FAM107B: variants seen among roughly 807,000 people sequenced by gnomAD.
FAM107B encodes the protein family with sequence similarity 107 member B.
A neutral mutation model predicts 31.5 loss-of-function variants in FAM107B; 21 were observed. The observed-to-expected ratio is 0.67, with a 90% CI of 0.47 to 0.96. The LOEUF (loss-of-function observed/expected upper bound fraction) is 0.96, where lower values mean the gene tolerates loss of function less well. Among genes scored for constraint, FAM107B ranks in the 40% least tolerant of loss-of-function variants. The pLI, the probability that FAM107B is intolerant of heterozygous loss-of-function variation, is 0.00. For missense variants in FAM107B, 452 were observed against 377.1 expected (o/e 1.20, Z -1.64); for synonymous variants, 157 against 141.5 (o/e 1.11, Z -0.78).
chr10:14,598,377 TAGAAA>T (rs982481129), intron 2 of FAM107B, among the ~76,000 whole-genome samples: 3 of 152,086 alleles, frequency 2.0e-5, no homozygotes, highest in African/African-American at 7.2e-5. Flanking sequence ...CAGGCAGCCT[TAGAAA>T]AGAAGCAGTT....
At chr10:14,688,393 T>C (rs1855041930) in intron 1 of FAM107B, among the ~76,000 whole-genome samples, 1 of 152,174 alleles carries the variant, frequency 6.6e-6, no homozygotes. Flanking sequence ...ACCTTTCATG[T>C]ATACATCTGT....
chr10:14,757,063 A>C (rs1036847442), intron 1 of FAM107B, among the ~76,000 whole-genome samples: 4 of 152,196 alleles, frequency 2.6e-5, no homozygotes, highest in African/African-American at 9.6e-5. Context: ...ACTAGGCTTA[A>C]TACCTGGATG....
chr10:14,560,274 G>A (rs1382946561), intron 2 of FAM107B, among the ~76,000 whole-genome samples: 1 of 151,938 alleles, frequency 6.6e-6, no homozygotes, highest in Non-Finnish European at 1.5e-5. Context: ...AGATATAAAA[G>A]ATGTACAAGA....
intron 2 of FAM107B, among the ~76,000 whole-genome samples, chr10:14,559,103 A>AC: frequency 2.0e-5 from 2 of 102,222 alleles, no homozygotes; most frequent in African/African-American, 6.3e-5. Flanking sequence ...GAACTTCAAA[A>AC]AAAAAAAAAA....
chr10:14,548,602 C>T, intron 2 of FAM107B: 1 of 985,478 alleles, frequency 1.0e-6, no homozygotes, highest in Non-Finnish European at 1.2e-6. Flanking sequence ...GAAGGGAAGG[C>T]AGAGACAGCC....
chr10:14,664,116 G>GC (rs1454429778), intron 2 of FAM107B, among the ~76,000 whole-genome samples: 1 of 152,048 alleles, frequency 6.6e-6, no homozygotes, highest in Admixed American at 6.5e-5. Flanking sequence ...GTGCTCCCTG[G>GC]CCCCCTACTT....
At chr10:14,549,631 C>T (rs565172267) in intron 2 of FAM107B, among the ~76,000 whole-genome samples, 3 of 152,296 alleles carry the variant, frequency 2.0e-5, no homozygotes, top group Non-Finnish European at 4.4e-5. Flanking sequence ...GGACGCCAAG[C>T]CTTGCCATTT....
chr10:14,630,787 G>A (rs1853334817), intron 2 of FAM107B, among the ~76,000 whole-genome samples: 1 of 152,086 alleles, frequency 6.6e-6, no homozygotes, highest in South Asian at 2.1e-4. Context: ...GGAGGTTGAG[G>A]CTGAGGTGAG....
intron 1 of FAM107B, among the ~76,000 whole-genome samples, chr10:14,713,578 G>T (rs530115625): frequency 6.6e-6 from 1 of 152,338 alleles, no homozygotes; most frequent in African/African-American, 2.4e-5. Context: ...GGAACAGACA[G>T]TGTTAAGTGA....
At chr10:14,556,516 C>G (rs771239739) in intron 2 of FAM107B, 1 of 646,766 alleles carries the variant, frequency 1.5e-6, no homozygotes, top group African/African-American at 2.0e-5. Flanking sequence ...CTGGACAAAA[C>G]AAAGCCGTGC....
chr10:14,770,163 C>T (rs1277245885), intron 1 of FAM107B, among the ~76,000 whole-genome samples: 1 of 152,154 alleles, frequency 6.6e-6, no homozygotes, highest in Non-Finnish European at 1.5e-5. Context: ...GAGTCACAAT[C>T]ATCAGTGTTT....
At chr10:14,652,893 T>C (rs1422556912) in intron 2 of FAM107B, 4 of 152,230 alleles carry the variant, frequency 2.6e-5, no homozygotes, top group African/African-American at 9.6e-5. Flanking sequence ...CCATTTTCTT[T>C]AAGCCCTTTC....
intron 1 of FAM107B, among the ~76,000 whole-genome samples, chr10:14,722,958 A>G (rs193210246): frequency 6.8e-4 from 103 of 152,266 alleles, no homozygotes; most frequent in Admixed American, 2.2e-3. Flanking sequence ...TCTCATATTT[A>G]GATCTTTGAT....
intron 2 of FAM107B, chr10:14,604,121 A>T: frequency 5.9e-6 from 1 of 169,376 alleles, no homozygotes; most frequent in South Asian, 2.2e-4. Flanking sequence ...GGGACCCCCC[A>T]CCCGCCCGGC....
At chr10:14,710,651 C>T (rs562250510) in intron 1 of FAM107B, among the ~76,000 whole-genome samples, 1 of 152,210 alleles carries the variant, frequency 6.6e-6, no homozygotes, top group East Asian at 1.9e-4. Context: ...ATGATCCTAA[C>T]CCTGTGTTGG....
intron 1 of FAM107B, among the ~76,000 whole-genome samples, chr10:14,693,248 G>A (rs1855186276): frequency 6.6e-6 from 1 of 152,154 alleles, no homozygotes; most frequent in African/African-American, 2.4e-5. Flanking sequence ...GGCCAAGGTG[G>A]GTGGATCTCC....
chr10:14,722,779 T>G (rs1855943154), intron 1 of FAM107B, among the ~76,000 whole-genome samples: 1 of 152,214 alleles, frequency 6.6e-6, no homozygotes, highest in Admixed American at 6.5e-5. Flanking sequence ...TTTTAATTTC[T>G]TGATGGAGCC....
intron 1 of FAM107B, chr10:14,723,217 G>A (rs557272783): frequency 2.5e-5 from 13 of 527,322 alleles, no homozygotes; most frequent in Non-Finnish European, 4.5e-5. Context: ...CTGAGCAGTG[G>A]GAGCCACAGA....
intron 1 of FAM107B, among the ~76,000 whole-genome samples, chr10:14,741,715 C>CTTTTTTTTTT (rs769614377): frequency 6.1e-5 from 7 of 114,438 alleles, no homozygotes; most frequent in East Asian, 2.8e-4. Context: ...GCATAACTCC[C>CTTTTTTTTTT]TTTTTTTTTT....
Sources: allele counts gnomAD v4.1 joint callset (sites outside exome capture counted in the v4.1 genomes callset), GRCh38; gene constraint gnomAD v4.1.1; transcripts MANE v1.5; gene names NCBI Gene and HGNC (gene_info 2026-07-23, HGNC 2026-07-21).